CTDSPL2: variants seen among roughly 807,000 people sequenced by gnomAD.
CTDSPL2 encodes the protein CTD small phosphatase like 2, also known as CTD small phosphatase-like protein 2.
CTDSPL2 carries 5 observed loss-of-function variants against 60.0 expected under a neutral mutation model. The observed-to-expected ratio is 0.08, with a 90% CI of 0.04 to 0.18. CTDSPL2 has a LOEUF of 0.18. CTDSPL2 is among the 10% of genes least tolerant of loss of function. The pLI is 1.00. For missense variants in CTDSPL2, 370 were observed against 548.8 expected (o/e 0.67, Z 3.26); for synonymous variants, 186 against 189.3 (o/e 0.98, Z 0.14).
chr15:44,471,257 T>C (rs1255171554), intron 2 of CTDSPL2, among the ~76,000 whole-genome samples: 1 of 152,188 alleles, frequency 6.6e-6, no homozygotes, highest in Non-Finnish European at 1.5e-5. Context: ...TGTTTCTGTT[T>C]TTTGGCTATT....
chr15:44,470,920 C>A (rs962655673), intron 2 of CTDSPL2, among the ~76,000 whole-genome samples: 8 of 151,896 alleles, frequency 5.3e-5, no homozygotes, highest in African/African-American at 7.3e-5. Context: ...CCTCCTATAT[C>A]CTATATTGAC....
intron 2 of CTDSPL2, among the ~76,000 whole-genome samples, chr15:44,477,420 A>G (rs1023146191): frequency 6.6e-6 from 1 of 152,112 alleles, no homozygotes; most frequent in Non-Finnish European, 1.5e-5. Context: ...CTGTAGTCCC[A>G]GCTACTTGGG....
chr15:44,499,898 G>C, intron 8 of CTDSPL2, 85 bp downstream of exon 8: 1 of 712,440 alleles, frequency 1.4e-6, no homozygotes, highest in East Asian at 2.6e-5. Context: ...GTGTGTATGT[G>C]ACATTAAATG....
chr15:44,515,935 T>C (rs761994842), intron 10 of CTDSPL2, among the ~76,000 whole-genome samples: 24 of 151,202 alleles, frequency 1.6e-4, no homozygotes, highest in Non-Finnish European at 2.7e-4. Context: ...CTCTCTCTCT[T>C]TCTTTCTTTC....
intron 8 of CTDSPL2, among the ~76,000 whole-genome samples, chr15:44,512,279 T>C: frequency 6.6e-6 from 1 of 152,176 alleles, no homozygotes; most frequent in East Asian, 1.9e-4. Context: ...ATTTTGCATT[T>C]TCAGATAAGG....
chr15:44,521,584 T>G (rs558209599), intron 12 of CTDSPL2, among the ~76,000 whole-genome samples, 178 bp downstream of exon 12: 1 of 152,192 alleles, frequency 6.6e-6, no homozygotes, highest in Non-Finnish European at 1.5e-5. Context: ...GGCAGGAGGA[T>G]TGATTGAGCC....
At position 44,525,145 on chromosome 15, in the gene CTDSPL2, T is replaced by C. The variant is rs2081852818; in HGVS notation, c.*971T>C. The C allele has an allele frequency of 3.0e-6, 1 of 338,560 alleles. No homozygotes were observed. Among genetic ancestry groups the C allele is most frequent in the Non-Finnish European group, 5.3e-6 (1 of 188,022 alleles). 21.0% of individuals were successfully genotyped at this position (338,560 alleles called of 1,614,324 possible). Reference sequence around the variant, plus strand: ...TTTGGTTTTCTCCAGGAATGAAGTATTCAGCACAGTGACTCAGTATTTTTA... The same window carrying C: ...TTTGGTTTTCTCCAGGAATGAAGTACTCAGCACAGTGACTCAGTATTTTTA... On this transcript the variant is annotated 3_prime_UTR_variant, in exon 13 of 13. Coordinates refer to ENST00000260327, the MANE Select transcript of CTDSPL2 (RefSeq NM_016396.3).
chr15:44,506,740 A>G (rs376513446), intron 8 of CTDSPL2, among the ~76,000 whole-genome samples: 2 of 142,576 alleles, frequency 1.4e-5, no homozygotes, highest in South Asian at 2.2e-4. Context: ...ATTTCTTTTC[A>G]GGTTGATTTC....
At chr15:44,467,389 C>T (rs2080718157) in intron 2 of CTDSPL2, among the ~76,000 whole-genome samples, 1 of 152,080 alleles carries the variant, frequency 6.6e-6, no homozygotes, top group African/African-American at 2.4e-5. Context: ...CTTGCCTTGT[C>T]CTTAGGGGAA....
intron 10 of CTDSPL2, among the ~76,000 whole-genome samples, chr15:44,515,931 C>T (rs117296588): frequency 0.027 from 4,022 of 150,658 alleles, 91 homozygotes; most frequent in East Asian, 0.094. Context: ...CTTTCTCTCT[C>T]TCTTTCTTTC....
At chr15:44,438,200 C>G (rs1822789988) in intron 1 of CTDSPL2, among the ~76,000 whole-genome samples, 1 of 150,818 alleles carries the variant, frequency 6.6e-6, no homozygotes, top group South Asian at 2.1e-4. Flanking sequence ...GGAGGTGGAG[C>G]TTGCAGTGAG....
At chr15:44,505,091 G>A (rs2081438395) in intron 8 of CTDSPL2, among the ~76,000 whole-genome samples, 2 of 152,088 alleles carry the variant, frequency 1.3e-5, no homozygotes, top group Non-Finnish European at 2.9e-5. Flanking sequence ...ATTTTATGGG[G>A]ATTCTTTGTC....
At chr15:44,449,008 T>C (rs560103023) in intron 1 of CTDSPL2, 163 of 344,478 alleles carry the variant, frequency 4.7e-4, no homozygotes, top group Admixed American at 1.6e-3. Context: ...TACTAAAATA[T>C]TTCCTTGAGT....
chr15:44,517,361 A>C (rs1005006144), intron 10 of CTDSPL2: 2 of 151,428 alleles, frequency 1.3e-5, no homozygotes, highest in Admixed American at 1.3e-4. Flanking sequence ...ATACAAAAAA[A>C]ATTAGCTGGG....
At chr15:44,502,040 C>G (rs1281779823) in intron 8 of CTDSPL2, 2 of 447,136 alleles carry the variant, frequency 4.5e-6, no homozygotes, top group Non-Finnish European at 9.0e-6. Context: ...GGAGAAACCA[C>G]ATTATTAGGT....
intron 7 of CTDSPL2, among the ~76,000 whole-genome samples, chr15:44,499,398 C>CA (rs2081352779): frequency 6.6e-6 from 1 of 151,958 alleles, no homozygotes. Context: ...GACTCTGTCT[C>CA]AAAAAATAAA....
chr15:44,437,056 T>C (rs1217611152), intron 1 of CTDSPL2, among the ~76,000 whole-genome samples: 1 of 152,218 alleles, frequency 6.6e-6, no homozygotes, highest in Non-Finnish European at 1.5e-5. Context: ...TTTAATAGTT[T>C]TGTGCATGAA....
intron 2 of CTDSPL2, among the ~76,000 whole-genome samples, chr15:44,473,021 T>A (rs2140746262): frequency 6.6e-6 from 1 of 152,272 alleles, no homozygotes; most frequent in Non-Finnish European, 1.5e-5. Context: ...GATATCAAAC[T>A]CCTGGGCTTA....
At chr15:44,480,043 T>G (rs1567083960) in intron 2 of CTDSPL2, among the ~76,000 whole-genome samples, 1 of 152,212 alleles carries the variant, frequency 6.6e-6, no homozygotes, top group Admixed American at 6.5e-5. Context: ...CTTTTCTCTC[T>G]GTGCCTGCCC....
Sources: allele counts gnomAD v4.1 joint callset (sites outside exome capture counted in the v4.1 genomes callset), GRCh38; gene constraint gnomAD v4.1.1; transcripts MANE v1.5; gene names NCBI Gene and HGNC (gene_info 2026-07-23, HGNC 2026-07-21).